Variants in SHISA6 observed in about 807,000 individuals in gnomAD.
SHISA6 encodes the protein shisa family member 6, also known as protein shisa-6.
Under a neutral mutation model 47.9 loss-of-function variants are expected in SHISA6, and 22 were observed. That is an observed-to-expected ratio of 0.46 (90% confidence interval 0.33 to 0.66). The LOEUF is 0.66. Ranked by LOEUF, SHISA6 falls within the 30% of genes least tolerant of loss-of-function variation. The pLI is 0.02. For synonymous variants in SHISA6, 388 were observed against 337.8 expected (o/e 1.15, Z -1.63); for missense variants, 680 against 764.6 (o/e 0.89, Z 1.30).
chr17:11,421,577 G>A (rs554385441), intron 3 of SHISA6, among the ~76,000 whole-genome samples: 2 of 152,280 alleles, frequency 1.3e-5, no homozygotes, highest in African/African-American at 2.4e-5. Context: ...GATACACCAC[G>A]AGGTGGGAAG....
intron 3 of SHISA6, among the ~76,000 whole-genome samples, chr17:11,442,387 A>G (rs138551589): frequency 2.0e-4 from 30 of 151,980 alleles, no homozygotes; most frequent in African/African-American, 7.2e-4. Context: ...CAAAACACCT[A>G]TCTATCCTTC....
Position 11,558,540 on chromosome 17 carries a change from C to T in SHISA6, c.*236C>T, listed in dbSNP as rs1366555275. ...ATCGCTCTTGCTCCTCCAGAAGAATCAGTGGGGAGTGAGGAGGGGGCTAGG... is the reference window on the plus strand; with the variant it reads ...ATCGCTCTTGCTCCTCCAGAAGAATTAGTGGGGAGTGAGGAGGGGGCTAGG... On this transcript the variant is annotated 3_prime_UTR_variant, in exon 6 of 6. Transcript: ENST00000441885. 1.7e-6 allele frequency: 1 copy of T among 575,180 alleles called. No homozygotes were observed. The highest frequency in any genetic ancestry group is 3.1e-6 in the Non-Finnish European group (1 of 322,792). 35.6% of individuals were successfully genotyped at this position (575,180 alleles called of 1,614,324 possible). A position where few individuals can be genotyped will look rare whatever the true frequency, so the allele number is the denominator to read the frequency against.
chr17:11,338,387 T>C (rs912389995), intron 2 of SHISA6, among the ~76,000 whole-genome samples: 1 of 152,020 alleles, frequency 6.6e-6, no homozygotes, highest in African/African-American at 2.4e-5. Context: ...ACCAGAAGCC[T>C]TTTTTGTTTA....
intron 3 of SHISA6, among the ~76,000 whole-genome samples, chr17:11,414,378 G>T (rs1360779800): frequency 6.6e-6 from 1 of 152,104 alleles, no homozygotes; most frequent in Non-Finnish European, 1.5e-5. Context: ...GGCATATCCT[G>T]GGAGGCATTC....
intron 2 of SHISA6, among the ~76,000 whole-genome samples, chr17:11,334,958 C>A (rs1911267785): frequency 6.6e-6 from 1 of 152,212 alleles, no homozygotes; most frequent in Admixed American, 6.5e-5. Context: ...CGAGGCTGGG[C>A]AAAACCCAGA....
chr17:11,262,119 A>G (rs1379362701), intron 1 of SHISA6, among the ~76,000 whole-genome samples: 1 of 152,130 alleles, frequency 6.6e-6, no homozygotes, highest in Non-Finnish European at 1.5e-5. Context: ...TAAGGATCCA[A>G]CTCCCTTCTT....
intron 2 of SHISA6, among the ~76,000 whole-genome samples, chr17:11,362,242 C>A (rs1912313388): frequency 6.6e-6 from 1 of 152,086 alleles, no homozygotes; most frequent in African/African-American, 2.4e-5. Flanking sequence ...TGGGCTCAAG[C>A]AATCCTCCTG....
At chr17:11,411,219 C>A (rs1047102998) in intron 3 of SHISA6, among the ~76,000 whole-genome samples, 1 of 152,116 alleles carries the variant, frequency 6.6e-6, no homozygotes, top group Non-Finnish European at 1.5e-5. Flanking sequence ...CTGCCCACCT[C>A]GGCCTCCCAA....
intron 2 of SHISA6, among the ~76,000 whole-genome samples, chr17:11,309,306 T>C (rs966203364): frequency 2.0e-5 from 3 of 152,232 alleles, no homozygotes; most frequent in Admixed American, 6.5e-5. Context: ...TATACAGAAC[T>C]GGCCTTCATC....
chr17:11,249,931 T>C (rs1436873819), intron 1 of SHISA6, among the ~76,000 whole-genome samples: 1 of 151,936 alleles, frequency 6.6e-6, no homozygotes, highest in Non-Finnish European at 1.5e-5. Context: ...TGCACAGGAG[T>C]GCCTGGCAAT....
intron 3 of SHISA6, among the ~76,000 whole-genome samples, chr17:11,487,068 C>T (rs1047713839): frequency 6.6e-6 from 1 of 152,208 alleles, no homozygotes; most frequent in Non-Finnish European, 1.5e-5. Flanking sequence ...AGAGAACTTA[C>T]AATCTAAGAT....
At chr17:11,275,952 A>G (rs1009205895) in intron 2 of SHISA6, among the ~76,000 whole-genome samples, 5 of 151,624 alleles carry the variant, frequency 3.3e-5, no homozygotes, top group Admixed American at 6.6e-5. Flanking sequence ...TCTGGCCACC[A>G]TCTTGAGACT....
intron 1 of SHISA6, among the ~76,000 whole-genome samples, chr17:11,255,609 C>A: frequency 6.6e-6 from 1 of 152,144 alleles, no homozygotes; most frequent in East Asian, 1.9e-4. Flanking sequence ...CTGTCAAAGT[C>A]CAAGTTCAGG....
Position 11,268,352 on chromosome 17 carries a change from C to A in SHISA6, c.799+4826C>A, listed in dbSNP as rs117423203. Among the ~76,000 whole-genome samples the A allele has an allele frequency of 3.7e-4, 57 of 152,270 alleles. No homozygotes were observed. In the East Asian group the frequency reaches 6.8e-3, roughly 18 times the overall value. Reference sequence around the variant, plus strand: ...TGGCAGAGGAGCACTCTGCCACAGTCCTGCATGCCCTGGTTCCCATCCCCC... The same window carrying A: ...TGGCAGAGGAGCACTCTGCCACAGTACTGCATGCCCTGGTTCCCATCCCCC... On this transcript the variant is annotated intron_variant, in intron 2 of 5. Transcript: ENST00000441885.
chr17:11,348,626 A>G (rs1184107252), intron 2 of SHISA6, among the ~76,000 whole-genome samples: 1 of 151,884 alleles, frequency 6.6e-6, no homozygotes, highest in Admixed American at 6.6e-5. Context: ...CTTTTATTCT[A>G]TTGGTCCTCA....
intron 3 of SHISA6, among the ~76,000 whole-genome samples, chr17:11,536,351 A>G (rs1317430591): frequency 1.3e-5 from 2 of 152,168 alleles, no homozygotes; most frequent in African/African-American, 4.8e-5. Flanking sequence ...GTACACGCAT[A>G]GCATTACTGG....
chr17:11,486,880 C>A (rs1197769883), intron 3 of SHISA6, among the ~76,000 whole-genome samples: 1 of 152,240 alleles, frequency 6.6e-6, no homozygotes, highest in Non-Finnish European at 1.5e-5. Flanking sequence ...CACTGGTAAA[C>A]CAGCTCACTC....
chr17:11,562,850 G>A lies in SHISA6; in HGVS notation c.*4546G>A. 1 of 152,526 alleles carries A rather than the reference G, an allele frequency of 6.6e-6. No individual in the cohort carries two copies. The highest frequency in any genetic ancestry group is 1.5e-5 in the Non-Finnish European group (1 of 68,218). 9.4% of individuals were successfully genotyped at this position (152,526 alleles called of 1,614,324 possible). On this transcript the variant is annotated 3_prime_UTR_variant, in exon 6 of 6. Transcript: ENST00000441885. ...CCACAGCGATGTCCTCAGATGTCCT[G>A]GACAGCCACCGCACTCCTCACTAGA...
At chr17:11,459,794 G>A (rs1461705012) in intron 3 of SHISA6, among the ~76,000 whole-genome samples, 1 of 152,302 alleles carries the variant, frequency 6.6e-6, no homozygotes, top group East Asian at 1.9e-4. Context: ...ACACATCACG[G>A]GAACTAGTTG....
Sources: allele counts gnomAD v4.1 joint callset (sites outside exome capture counted in the v4.1 genomes callset), GRCh38; gene constraint gnomAD v4.1.1; transcripts MANE v1.5; gene names NCBI Gene and HGNC (gene_info 2026-07-23, HGNC 2026-07-21).